Variants in PTPRD observed in about 807,000 individuals in gnomAD.
PTPRD encodes the protein receptor-type tyrosine-protein phosphatase delta.
Under a neutral mutation model 214.5 loss-of-function variants are expected in PTPRD, and 34 were observed. The ratio of observed to expected loss-of-function variants is 0.16; its 90% CI spans 0.12 to 0.21. The LOEUF (loss-of-function observed/expected upper bound fraction) is 0.21, where lower values mean the gene tolerates loss of function less well. Ranked by LOEUF, PTPRD falls within the 10% of genes least tolerant of loss-of-function variation. The pLI is 1.00. For missense variants in PTPRD, 2,545 were observed against 2,398.7 expected, an observed-to-expected ratio of 1.06 and a Z score of -1.27; for synonymous variants, 1,128 against 845.7, an observed-to-expected ratio of 1.33 and a Z score of -5.79.
At chr9:8,329,784 C>T (rs546270951) in intron 44 of PTPRD, among the ~76,000 whole-genome samples, 2 of 152,258 alleles carry the variant, frequency 1.3e-5, no homozygotes, top group Admixed American at 6.5e-5. Flanking sequence ...CCTGTTTGAA[C>T]TTCCTGCTGG....
At chr9:9,645,153 C>T (rs765772821) in intron 7 of PTPRD, among the ~76,000 whole-genome samples, 2 of 152,202 alleles carry the variant, frequency 1.3e-5, no homozygotes, top group Non-Finnish European at 2.9e-5. Flanking sequence ...TGCTCACCTG[C>T]GTGCTTGCCC....
chr9:8,555,203 A>C (rs1045458424), intron 14 of PTPRD, among the ~76,000 whole-genome samples: 4 of 152,136 alleles, frequency 2.6e-5, no homozygotes, highest in African/African-American at 9.7e-5. Context: ...TAGGAGTTTG[A>C]GACCAGCCTG....
At chr9:9,772,848 T>C (rs1423767394) in intron 5 of PTPRD, among the ~76,000 whole-genome samples, 1 of 152,174 alleles carries the variant, frequency 6.6e-6, no homozygotes. Context: ...TGCTCCCTTT[T>C]ACTCAGTTAT....
intron 8 of PTPRD, among the ~76,000 whole-genome samples, chr9:9,440,934 T>C (rs1044287099): frequency 6.6e-6 from 1 of 152,166 alleles, no homozygotes; most frequent in Non-Finnish European, 1.5e-5. Flanking sequence ...ACGAAGGAAG[T>C]ATGATGGGCA....
intron 3 of PTPRD, among the ~76,000 whole-genome samples, chr9:10,106,400 A>T (rs984296660): frequency 6.6e-6 from 1 of 151,932 alleles, no homozygotes; most frequent in African/African-American, 2.4e-5. Context: ...TGTATATAAA[A>T]CTTAACCTGG....
At chr9:9,805,858 A>G (rs1438071991) in intron 5 of PTPRD, among the ~76,000 whole-genome samples, 1 of 152,206 alleles carries the variant, frequency 6.6e-6, no homozygotes, top group Admixed American at 6.5e-5. Flanking sequence ...TAGAAACAAC[A>G]TTAACAGACT....
intron 10 of PTPRD, among the ~76,000 whole-genome samples, chr9:9,058,933 T>C (rs944055506): frequency 2.6e-5 from 4 of 152,030 alleles, no homozygotes; most frequent in African/African-American, 4.8e-5. Context: ...TAGTGGAATT[T>C]AGGTGAGTGC....
chr9:9,807,535 T>A (rs946050010), intron 5 of PTPRD, among the ~76,000 whole-genome samples: 7 of 152,172 alleles, frequency 4.6e-5, no homozygotes, highest in African/African-American at 1.4e-4. Flanking sequence ...TTAAGCATTT[T>A]CCCATATGCC....
intron 6 of PTPRD, among the ~76,000 whole-genome samples, chr9:9,750,791 T>A (rs963854451): frequency 2.0e-5 from 3 of 152,120 alleles, no homozygotes; most frequent in African/African-American, 7.2e-5. Context: ...TTCTATTTAA[T>A]CTCTAAATTT....
intron 3 of PTPRD, among the ~76,000 whole-genome samples, chr9:10,184,559 T>G (rs2099319760): frequency 6.6e-6 from 1 of 152,184 alleles, no homozygotes; most frequent in South Asian, 2.1e-4. Context: ...TAGTATGTGT[T>G]TGGTAAACGT....
At chr9:10,527,320 G>T (rs553445973) in intron 2 of PTPRD, among the ~76,000 whole-genome samples, 1 of 152,032 alleles carries the variant, frequency 6.6e-6, no homozygotes. Flanking sequence ...CAAACAGCCC[G>T]TCTCAAACAA....
chr9:9,002,902 G>T (rs1285123499), intron 11 of PTPRD, among the ~76,000 whole-genome samples: 2 of 152,028 alleles, frequency 1.3e-5, no homozygotes, highest in Non-Finnish European at 2.9e-5. Context: ...ACTTTCAGTG[G>T]TATGTTGGAC....
chr9:9,472,524 C>T (rs371346453), intron 8 of PTPRD, among the ~76,000 whole-genome samples: 6 of 151,982 alleles, frequency 3.9e-5, no homozygotes, highest in African/African-American at 1.4e-4. Context: ...TCTTTAGGCA[C>T]TTGCAATCTC....
chr9:9,306,617 A>C (rs996094154), intron 9 of PTPRD, among the ~76,000 whole-genome samples: 1 of 151,772 alleles, frequency 6.6e-6, no homozygotes, highest in Non-Finnish European at 1.5e-5. Flanking sequence ...ATCATCAATA[A>C]TATCCTCTGA....
At chr9:8,900,891 A>C (rs1374984263) in intron 11 of PTPRD, among the ~76,000 whole-genome samples, 1 of 152,226 alleles carries the variant, frequency 6.6e-6, no homozygotes, top group African/African-American at 2.4e-5. Context: ...TTGAAAGCCA[A>C]AACTGACAGC....
At chr9:8,560,341 A>G (rs149679035) in intron 14 of PTPRD, among the ~76,000 whole-genome samples, 1 of 152,210 alleles carries the variant, frequency 6.6e-6, no homozygotes, top group African/African-American at 2.4e-5. Context: ...TTTGTTGATA[A>G]CAAGGCCAAA....
intron 11 of PTPRD, among the ~76,000 whole-genome samples, chr9:8,789,064 AG>A (rs1246288523): frequency 6.6e-6 from 1 of 152,228 alleles, no homozygotes; most frequent in African/African-American, 2.4e-5. Flanking sequence ...GTGAGAGGCC[AG>A]TAAGAAGCAT....
intron 10 of PTPRD, among the ~76,000 whole-genome samples, chr9:9,148,132 G>A (rs1377358476): frequency 1.3e-5 from 2 of 152,114 alleles, no homozygotes; most frequent in Non-Finnish European, 2.9e-5. Flanking sequence ...AGAAAATTAC[G>A]AGCACTGGTG....
At chr9:10,140,777 C>A (rs931429502) in intron 3 of PTPRD, among the ~76,000 whole-genome samples, 1 of 151,916 alleles carries the variant, frequency 6.6e-6, no homozygotes, top group Middle Eastern at 3.2e-3. Flanking sequence ...GATACCAAAG[C>A]CGGGCAGAGA....
Sources: gnomAD v4.1 joint callset for allele counts (sites outside exome capture counted in the v4.1 genomes callset) on GRCh38, gnomAD v4.1.1 for gene constraint, MANE v1.5 for transcripts, NCBI Gene and HGNC (gene_info 2026-07-23, HGNC 2026-07-21) for gene names.